PRKG1: variants seen among roughly 807,000 people sequenced by gnomAD.
PRKG1 encodes protein kinase cGMP-dependent 1.
In PRKG1, 35 loss-of-function variants were observed where a neutral mutation model predicts 88.1. That is an observed-to-expected ratio of 0.40 (90% CI 0.30 to 0.53). PRKG1 has a LOEUF of 0.53. Ranked by LOEUF, PRKG1 falls within the 20% of genes least tolerant of loss-of-function variation. PRKG1 has a pLI of 0.59. For synonymous variants in PRKG1, 303 were observed against 292.5 expected (o/e 1.04, Z -0.37); for missense variants, 540 against 839.8 (o/e 0.64, Z 4.41).
chr10:51,167,290 A>G (rs2132000438), intron 2 of PRKG1, among the ~76,000 whole-genome samples: 1 of 152,304 alleles, frequency 6.6e-6, no homozygotes, highest in South Asian at 2.1e-4. Flanking sequence ...AACCAAACAA[A>G]AGTGTGGGTA....
intron 1 of PRKG1, among the ~76,000 whole-genome samples, chr10:51,148,572 T>C (rs1845994069): frequency 6.6e-6 from 1 of 152,078 alleles, no homozygotes; most frequent in African/African-American, 2.4e-5. Flanking sequence ...GCGAAACTGA[T>C]CTAAAACATG....
chr10:51,764,518 C>A (rs567715655), intron 3 of PRKG1, among the ~76,000 whole-genome samples: 2 of 152,208 alleles, frequency 1.3e-5, no homozygotes, highest in African/African-American at 4.8e-5. Flanking sequence ...AACTGTCAAG[C>A]TGGCCCAGGT....
intron 17 of PRKG1, among the ~76,000 whole-genome samples, chr10:52,291,328 A>T (rs1395734843): frequency 6.6e-6 from 1 of 151,368 alleles, no homozygotes; most frequent in African/African-American, 2.4e-5. Context: ...ATATGTATAC[A>T]TGTGCCATGC....
rs58217278 is a variant in PRKG1, at chr10:51,469,161, A to C, written c.592+1325A>C. Among the ~76,000 whole-genome samples, 46 of 151,908 alleles carry C rather than the reference A, an allele frequency of 3.0e-4. 1 individual carries two copies. The South Asian group carries it at 4.3e-3, about 14-fold the overall frequency. Reference sequence around the variant, plus strand: ...AACTTACTTAAAAAGAACCTTAACTATAGAAAGAATAGTCATGGCTCCATT... The same window carrying C: ...AACTTACTTAAAAAGAACCTTAACTCTAGAAAGAATAGTCATGGCTCCATT... On this transcript the variant is annotated intron_variant, in intron 3 of 17. Transcript: ENST00000373980.
chr10:51,945,548 C>T (rs1448139085), intron 5 of PRKG1, among the ~76,000 whole-genome samples: 1 of 151,818 alleles, frequency 6.6e-6, no homozygotes, highest in South Asian at 2.1e-4. Context: ...TTCTTCCTAG[C>T]CTCGATGGTC....
intron 2 of PRKG1, among the ~76,000 whole-genome samples, chr10:51,444,840 A>G (rs1015658129): frequency 7.9e-5 from 12 of 151,966 alleles, no homozygotes; most frequent in Admixed American, 5.9e-4. Flanking sequence ...AAGAACTTCA[A>G]AACTAATGGA....
intron 7 of PRKG1, among the ~76,000 whole-genome samples, chr10:52,088,236 C>T (rs1343369429): frequency 1.3e-5 from 2 of 151,676 alleles, no homozygotes; most frequent in South Asian, 2.1e-4. Flanking sequence ...TTCACATCCA[C>T]AAAAATGCCT....
At chr10:51,236,092 T>TG (rs1589267461) in intron 2 of PRKG1, among the ~76,000 whole-genome samples, 1 of 152,184 alleles carries the variant, frequency 6.6e-6, no homozygotes, top group East Asian at 1.9e-4. Context: ...TGAGAACCAC[T>TG]GTTCTAAGAA....
chr10:51,640,793 G>T (rs1368349348), intron 3 of PRKG1, among the ~76,000 whole-genome samples: 1 of 152,176 alleles, frequency 6.6e-6, no homozygotes, highest in South Asian at 2.1e-4. Flanking sequence ...AAGTTCTTTG[G>T]CATTGCTCTT....
intron 2 of PRKG1, among the ~76,000 whole-genome samples, chr10:51,358,647 T>A (rs1053634507): frequency 3.9e-5 from 6 of 151,932 alleles, no homozygotes; most frequent in Non-Finnish European, 2.9e-5. Context: ...AGGCTGATAG[T>A]CATTTTACAG....
intron 10 of PRKG1, among the ~76,000 whole-genome samples, chr10:52,260,279 A>C (rs1841403333): frequency 6.6e-6 from 1 of 152,168 alleles, no homozygotes; most frequent in Non-Finnish European, 1.5e-5. Context: ...AGCATGTAAT[A>C]AGACATTAAG....
chr10:51,076,928 A>G (rs1193012170), intron 1 of PRKG1, among the ~76,000 whole-genome samples: 1 of 152,168 alleles, frequency 6.6e-6, no homozygotes, highest in East Asian at 1.9e-4. Context: ...AGGTATTGCC[A>G]TGATGCTTTG....
chr10:51,074,414 G>C, upstream of PRKG1: 1 of 1,437,912 alleles, frequency 7.0e-7, no homozygotes. Flanking sequence ...TGAAACTCTG[G>C]GTGGCTGGAG....
chr10:52,131,233 A>G (rs1454840193), intron 7 of PRKG1, among the ~76,000 whole-genome samples: 1 of 152,186 alleles, frequency 6.6e-6, no homozygotes, highest in Non-Finnish European at 1.5e-5. Flanking sequence ...CGGGGAGCAA[A>G]GCCAGCTATG....
chr10:51,116,920 T>C (rs1289466807), intron 1 of PRKG1, among the ~76,000 whole-genome samples: 3 of 152,088 alleles, frequency 2.0e-5, no homozygotes, highest in Admixed American at 2.0e-4. Flanking sequence ...GAGAATCAGA[T>C]AAGTGGCTGT....
At chr10:51,043,727 A>G (rs1461939944) in intron 1 of PRKG1, among the ~76,000 whole-genome samples, 1 of 152,176 alleles carries the variant, frequency 6.6e-6, no homozygotes, top group Admixed American at 6.5e-5. Context: ...GTTTTATCCC[A>G]TAGCACAGTA....
chr10:52,121,245 G>C (rs11000846), intron 7 of PRKG1, among the ~76,000 whole-genome samples: 58,396 of 152,072 alleles, frequency 0.38, 13,768 homozygotes, highest in Non-Finnish European at 0.51. Flanking sequence ...CTGGGCCTGT[G>C]ATTGGAGGGG....
chr10:51,073,212 G>A (rs1843860537), upstream of PRKG1, among the ~76,000 whole-genome samples: 1 of 152,086 alleles, frequency 6.6e-6, no homozygotes, highest in Admixed American at 6.5e-5. Flanking sequence ...TGATCATTTT[G>A]GGGAATATTG....
intron 1 of PRKG1, among the ~76,000 whole-genome samples, chr10:51,008,912 C>A (rs367973866): frequency 1.2e-3 from 175 of 152,172 alleles, no homozygotes; most frequent in African/African-American, 4.0e-3. Context: ...CTCCCATTTT[C>A]TTATTTTTCA....
Sources: gnomAD v4.1 joint callset for allele counts (sites outside exome capture counted in the v4.1 genomes callset) on GRCh38, gnomAD v4.1.1 for gene constraint, MANE v1.5 for transcripts, NCBI Gene and HGNC (gene_info 2026-07-23, HGNC 2026-07-21) for gene names.